Variants in GRIP1 observed in about 807,000 individuals in gnomAD.
GRIP1 encodes the protein glutamate receptor-interacting protein 1.
A neutral mutation model predicts 129.9 loss-of-function variants in GRIP1; 45 were observed. The ratio of observed to expected loss-of-function variants is 0.35; its 90% CI spans 0.27 to 0.44. The LOEUF (loss-of-function observed/expected upper bound fraction) is 0.44. GRIP1 is among the 20% of genes least tolerant of loss of function. The pLI, the probability that GRIP1 is intolerant of heterozygous loss-of-function variation, is 1.00. For synonymous variants in GRIP1, 530 were observed against 520.8 expected (o/e 1.02, Z -0.24); for missense variants, 1,196 against 1,396.8 (o/e 0.86, Z 2.29).
At chr12:66,689,452 CTG>C (rs911600688) in intron 1 of GRIP1, among the ~76,000 whole-genome samples, 1 of 152,188 alleles carries the variant, frequency 6.6e-6, no homozygotes, top group African/African-American at 2.4e-5. Flanking sequence ...ACTTACTTCT[CTG>C]TGTGCTAGCC....
At chr12:66,602,480 G>T (rs1051748833) in intron 1 of GRIP1, among the ~76,000 whole-genome samples, 1 of 152,140 alleles carries the variant, frequency 6.6e-6, no homozygotes, top group Non-Finnish European at 1.5e-5. Context: ...GTGCATTCAT[G>T]ATCTCTCCTA....
chr12:66,454,139 G>A (rs535892016), intron 11 of GRIP1, among the ~76,000 whole-genome samples: 1 of 152,312 alleles, frequency 6.6e-6, no homozygotes, highest in South Asian at 2.1e-4. Flanking sequence ...TGTAGGGAAA[G>A]CTTCAGTTTC....
chr12:66,869,787 A>G (rs932898633), intron 1 of GRIP1, among the ~76,000 whole-genome samples: 1 of 152,174 alleles, frequency 6.6e-6, no homozygotes. Flanking sequence ...AAGATACAAG[A>G]CAAAAACTTC....
intron 1 of GRIP1, among the ~76,000 whole-genome samples, chr12:66,939,338 C>T (rs775603783): frequency 4.1e-5 from 6 of 146,018 alleles, no homozygotes; most frequent in Admixed American, 6.8e-5. Context: ...CAGAGCAAGA[C>T]CCTGTCTCAA....
chr12:67,041,301 CAT>C (rs1409056429), intron 1 of GRIP1, among the ~76,000 whole-genome samples: 3 of 151,694 alleles, frequency 2.0e-5, no homozygotes, highest in African/African-American at 4.8e-5. Context: ...TATATATACA[CAT>C]ATATTTATAT....
At chr12:67,009,643 A>G (rs1379823585) in intron 1 of GRIP1, among the ~76,000 whole-genome samples, 2 of 152,184 alleles carry the variant, frequency 1.3e-5, no homozygotes, top group Non-Finnish European at 2.9e-5. Context: ...CAACACTGTG[A>G]AAGTCCTTCA....
intron 7 of GRIP1, among the ~76,000 whole-genome samples, chr12:66,505,019 A>C (rs1240294158): frequency 6.6e-6 from 1 of 152,110 alleles, no homozygotes; most frequent in Non-Finnish European, 1.5e-5. Context: ...AGAATTTCTG[A>C]ATTTATCCCC....
intron 15 of GRIP1, among the ~76,000 whole-genome samples, chr12:66,408,768 G>C (rs1022361354): frequency 6.6e-6 from 1 of 152,190 alleles, no homozygotes; most frequent in East Asian, 1.9e-4. Context: ...GGACGTTTGT[G>C]GACCTGCTCT....
At chr12:66,499,438 CTTCATTTATTTG>C (rs1176059028) in intron 7 of GRIP1, among the ~76,000 whole-genome samples, 2 of 152,172 alleles carry the variant, frequency 1.3e-5, no homozygotes, top group Non-Finnish European at 2.9e-5. Context: ...ATCAAATACT[CTTCATTTATTTG>C]TTCATTTATT....
intron 1 of GRIP1, among the ~76,000 whole-genome samples, chr12:66,919,031 C>T (rs1372950008): frequency 6.6e-6 from 1 of 152,136 alleles, no homozygotes; most frequent in Admixed American, 6.5e-5. Context: ...GAGCTTCAGT[C>T]CCACAAAGGG....
intron 1 of GRIP1, among the ~76,000 whole-genome samples, chr12:66,640,160 T>C (rs1280434326): frequency 6.6e-6 from 1 of 152,168 alleles, no homozygotes; most frequent in Non-Finnish European, 1.5e-5. Flanking sequence ...TACTTCCATC[T>C]CAGCTCTTTC....
chr12:66,485,141 C>A (rs1440368879), intron 7 of GRIP1, among the ~76,000 whole-genome samples: 1 of 152,146 alleles, frequency 6.6e-6, no homozygotes, highest in Non-Finnish European at 1.5e-5. Context: ...TTTGCTGTCC[C>A]ACCAGAAGGG....
rs189737309 is a variant in GRIP1 at position 66,573,471 on chromosome 12, C to T, written c.136+23376G>A. Among the ~76,000 whole-genome samples the T allele has an allele frequency of 5.2e-3, 788 of 152,260 alleles. 7 individuals carry two copies. The highest frequency in any genetic ancestry group is 0.018 in the African/African-American group (747 of 41,532). On this transcript the variant is annotated intron_variant, in intron 2 of 24. Transcript: ENST00000359742. Reference sequence around the variant, plus strand: ...TGGTGATAGATAACTAATGTAAATGCTTTATGTGTATTAACTCGTATAATC... The same window carrying T: ...TGGTGATAGATAACTAATGTAAATGTTTTATGTGTATTAACTCGTATAATC...
intron 19 of GRIP1, among the ~76,000 whole-genome samples, chr12:66,382,345 C>T (rs1042399115): frequency 4.6e-5 from 7 of 152,066 alleles, no homozygotes; most frequent in African/African-American, 1.7e-4. Context: ...CATAAAAAGA[C>T]CCTGTCTCAA....
At chr12:66,446,721 A>G (rs953033422) in intron 11 of GRIP1, among the ~76,000 whole-genome samples, 10 of 151,986 alleles carry the variant, frequency 6.6e-5, no homozygotes, top group African/African-American at 1.9e-4. Flanking sequence ...CTTTGCCATT[A>G]TGATGATAAC....
intron 1 of GRIP1, among the ~76,000 whole-genome samples, chr12:66,953,662 G>A (rs996178473): frequency 5.3e-5 from 8 of 152,072 alleles, no homozygotes; most frequent in African/African-American, 1.2e-4. Flanking sequence ...TGATGCTCAC[G>A]GGTATTAGTG....
At chr12:66,852,330 G>C (rs1028179741) in intron 1 of GRIP1, among the ~76,000 whole-genome samples, 4 of 151,832 alleles carry the variant, frequency 2.6e-5, no homozygotes, top group African/African-American at 9.7e-5. Context: ...TGCTCAGTTA[G>C]CAGCCCTCCC....
chr12:66,373,850 C>T lies in GRIP1; in HGVS notation c.2779-1923G>A, dbSNP rs559576151. Among the ~76,000 whole-genome samples, 4 of 152,218 alleles carry T rather than the reference C, an allele frequency of 2.6e-5. No homozygotes were observed. In the South Asian group the frequency reaches 8.3e-4, roughly 32 times the overall value. On this transcript the variant is annotated intron_variant, in intron 22 of 24. Coordinates refer to ENST00000359742, the MANE Select transcript of GRIP1 (RefSeq NM_001366722.1). ...CCTATACAATAGATATTAAAATTAC[C>T]ATACATCCTCATTTCAGTAAAGGAA...
intron 1 of GRIP1, among the ~76,000 whole-genome samples, chr12:66,830,350 A>G (rs1810138955): frequency 6.6e-6 from 1 of 152,140 alleles, no homozygotes; most frequent in Admixed American, 6.6e-5. Flanking sequence ...TAATCACAAA[A>G]GTTTACATGA....
Sources: allele counts gnomAD v4.1 joint callset (sites outside exome capture counted in the v4.1 genomes callset), GRCh38; gene constraint gnomAD v4.1.1; transcripts MANE v1.5; gene names NCBI Gene and HGNC (gene_info 2026-07-23, HGNC 2026-07-21).